Variants in TIAM2 observed in about 807,000 individuals in gnomAD.
TIAM2 encodes rho guanine nucleotide exchange factor TIAM2.
In TIAM2, 80 loss-of-function variants were observed where a neutral mutation model predicts 152.9. The observed-to-expected ratio is 0.52, with a 90% CI of 0.44 to 0.63. The LOEUF is 0.63. Ranked by LOEUF, TIAM2 falls within the 30% of genes least tolerant of loss-of-function variation. TIAM2 has a pLI of 0.00. For missense variants in TIAM2, 1,965 were observed against 2,120.1 expected, an observed-to-expected ratio of 0.93 and a Z score of 1.44; for synonymous variants, 804 against 838.0, an observed-to-expected ratio of 0.96 and a Z score of 0.70.
intron 1 of TIAM2, among the ~76,000 whole-genome samples, chr6:155,067,911 G>A (rs766779749): frequency 6.6e-6 from 1 of 152,078 alleles, no homozygotes; most frequent in Non-Finnish European, 1.5e-5. Context: ...CAAAGTGCTG[G>A]GAATACAGGC....
chr6:155,246,518 G>A (rs1562371397), intron 19 of TIAM2, among the ~76,000 whole-genome samples: 1 of 152,000 alleles, frequency 6.6e-6, no homozygotes, highest in African/African-American at 2.4e-5. Context: ...AAAAATGTTC[G>A]TAGAAATGGG....
In TIAM2 at chr6:155,174,553, G is replaced by C. The variant is rs566123515; in HGVS notation, c.2362-2263G>C. On this transcript the variant is annotated intron_variant, in intron 9 of 26. Transcript: ENST00000682666. The surrounding 1 kb of genome is among the most constrained non-coding windows in gnomAD (Gnocchi z 4.2). Reference sequence around the variant, plus strand: ...GCCCGGATAATTTTTATTTTTAGTAGAGATAGGGTTTTACCATGTTGGCCA... The same window carrying C: ...GCCCGGATAATTTTTATTTTTAGTACAGATAGGGTTTTACCATGTTGGCCA... Among the ~76,000 whole-genome samples, 18 of 152,256 alleles carry C rather than the reference G, an allele frequency of 1.2e-4. No individual in the cohort carries two copies. In the South Asian group the frequency reaches 3.7e-3, roughly 32 times the overall value.
intron 1 of TIAM2, among the ~76,000 whole-genome samples, chr6:155,081,169 C>CTA (rs771787937): frequency 3.3e-4 from 51 of 152,272 alleles, no homozygotes; most frequent in Admixed American, 4.6e-4. Context: ...TTGTGGCAGC[C>CTA]TATAGCATTA....
chr6:155,197,793 A>G (rs987545049), intron 14 of TIAM2, among the ~76,000 whole-genome samples: 7 of 152,136 alleles, frequency 4.6e-5, no homozygotes, highest in African/African-American at 1.4e-4. Flanking sequence ...CCAGAACAGC[A>G]TGGAAGTAAC....
intron 2 of TIAM2, among the ~76,000 whole-genome samples, chr6:155,115,894 C>T (rs1778998734): frequency 6.6e-6 from 1 of 152,150 alleles, no homozygotes; most frequent in Non-Finnish European, 1.5e-5. Context: ...GGCGGCTCAC[C>T]TGAGATCAGG....
At chr6:155,252,905 A>AC in intron 23 of TIAM2, 43 bp from the exon 24 acceptor site, 1 of 1,552,682 alleles carries the variant, frequency 6.4e-7, no homozygotes, top group Non-Finnish European at 8.9e-7. Flanking sequence ...TCCCTCAGTG[A>AC]CAGCTTCCCT....
chr6:155,029,513 C>CTATAG (rs1202455648), intron 1 of TIAM2, among the ~76,000 whole-genome samples: 5,429 of 22,090 alleles, frequency 0.25, 1,238 homozygotes, highest in African/African-American at 0.33. Context: ...ATAATATATA[C>CTATAG]TATATATTAT....
At chr6:155,080,413 A>T (rs1206999411) in intron 1 of TIAM2, among the ~76,000 whole-genome samples, 18 of 151,932 alleles carry the variant, frequency 1.2e-4, no homozygotes, top group Admixed American at 9.8e-4. Flanking sequence ...AGCTTTGGAC[A>T]GAAGTTTAGG....
rs1778493150 is a variant in TIAM2 at position 155,099,212 on chromosome 6, A to ATG, written c.-118+8834_-118+8835insGT. On this transcript the variant is annotated intron_variant, in intron 2 of 26. Transcript: ENST00000682666. ...CTCTCTTTCTCTCATCTATATGTGT[A>ATG]TATATATATGTGTGTGTGTGTGTGT... Among the ~76,000 whole-genome samples, 14 of 60,860 alleles carry ATG rather than the reference A, an allele frequency of 2.3e-4. No homozygotes were observed. The Admixed American group carries it at 3.8e-3, about 16-fold the overall frequency. 39.9% of individuals were successfully genotyped at this position (60,860 alleles called of 152,430 possible).
At chr6:155,215,530 C>T (rs959373321) in intron 15 of TIAM2, among the ~76,000 whole-genome samples, 4 of 152,172 alleles carry the variant, frequency 2.6e-5, no homozygotes, top group Non-Finnish European at 5.9e-5. Context: ...TGATAGATTT[C>T]AGTGCATTTT....
At chr6:155,082,547 G>C (rs931915721) in intron 1 of TIAM2, among the ~76,000 whole-genome samples, 2 of 151,982 alleles carry the variant, frequency 1.3e-5, no homozygotes, top group Non-Finnish European at 2.9e-5. Context: ...CTACTCGGGA[G>C]GCTAAGGCAG....
At chr6:155,092,559 T>C (rs1205419415) in intron 2 of TIAM2, among the ~76,000 whole-genome samples, 4 of 152,056 alleles carry the variant, frequency 2.6e-5, no homozygotes, top group Admixed American at 2.0e-4. Context: ...ATATTCAATA[T>C]ACAAATTAGG....
chr6:155,150,246 C>T (rs897733339), intron 7 of TIAM2, among the ~76,000 whole-genome samples: 1 of 152,056 alleles, frequency 6.6e-6, no homozygotes, highest in Non-Finnish European at 1.5e-5. Context: ...ATATGGACCC[C>T]GTTTCTAAGA....
intron 1 of TIAM2, among the ~76,000 whole-genome samples, chr6:155,074,201 C>T (rs1777903875): frequency 1.3e-5 from 2 of 152,160 alleles, no homozygotes; most frequent in Non-Finnish European, 2.9e-5. Context: ...TTCCTAACGA[C>T]AAACTTAATT....
chr6:155,210,225 A>G (rs551875144), intron 14 of TIAM2, among the ~76,000 whole-genome samples: 11 of 151,814 alleles, frequency 7.2e-5, no homozygotes, highest in African/African-American at 2.7e-4. Context: ...AAATTTTTTA[A>G]TGTTTTAATT....
At chr6:155,232,371 G>A (rs1782515565) in intron 15 of TIAM2, among the ~76,000 whole-genome samples, 1 of 152,070 alleles carries the variant, frequency 6.6e-6, no homozygotes, top group South Asian at 2.1e-4. Context: ...ATTTAGTAGT[G>A]CAGCCTCCCC....
chr6:155,028,596 T>C (rs1386604068), intron 1 of TIAM2, among the ~76,000 whole-genome samples: 1 of 135,562 alleles, frequency 7.4e-6, no homozygotes, highest in African/African-American at 2.7e-5. Context: ...ATATAATATA[T>C]ATACTGTGTT....
chr6:155,187,766 C>T (rs982000548), intron 14 of TIAM2, among the ~76,000 whole-genome samples: 5 of 151,758 alleles, frequency 3.3e-5, no homozygotes, highest in Admixed American at 6.6e-5. Context: ...TTAGTAGAGA[C>T]AAGGTTTCTC....
At chr6:155,110,332 T>TTTTTTTTTTTTTTTTTTTTTTTTTGTG (rs1244132833) in intron 2 of TIAM2, among the ~76,000 whole-genome samples, 1 of 137,448 alleles carries the variant, frequency 7.3e-6, no homozygotes, top group Non-Finnish European at 1.6e-5. Context: ...TTTTTTTTGT[T>TTTTTTTTTTTTTTTTTTTTTTTTTGTG]GTTCTTTCTT....
Sources: gnomAD v4.1 joint callset for allele counts (sites outside exome capture counted in the v4.1 genomes callset) on GRCh38, gnomAD v4.1.1 for gene constraint, Gnocchi (gnomAD v3.1) non-coding constraint, MANE v1.5 for transcripts, NCBI Gene and HGNC (gene_info 2026-07-23, HGNC 2026-07-21) for gene names.